Variants in ADAMTS17 observed in about 807,000 individuals in gnomAD.
ADAMTS17 encodes A disintegrin and metalloproteinase with thrombospondin motifs 17.
A neutral mutation model predicts 141.5 loss-of-function variants in ADAMTS17; 113 were observed. The observed-to-expected ratio is 0.80, with a 90% CI of 0.69 to 0.93. ADAMTS17 has a LOEUF of 0.93. ADAMTS17 is among the 40% of genes least tolerant of loss of function. The pLI is 0.00. For missense variants in ADAMTS17, 1,659 were observed against 1,517.9 expected (o/e 1.09, Z -1.54); for synonymous variants, 768 against 630.6 (o/e 1.22, Z -3.27).
chr15:100,087,789 T>C (rs1340652961), intron 15 of ADAMTS17, among the ~76,000 whole-genome samples: 1 of 152,100 alleles, frequency 6.6e-6, no homozygotes, highest in East Asian at 1.9e-4. Context: ...AATTCAGCAA[T>C]GCTTCTTGCT....
At chr15:100,185,646 T>C (rs1213608397) in intron 8 of ADAMTS17, among the ~76,000 whole-genome samples, 3 of 152,220 alleles carry the variant, frequency 2.0e-5, no homozygotes, top group African/African-American at 7.2e-5. Flanking sequence ...CCTCTTTTCC[T>C]GTAACTTGCA....
chr15:99,975,992 T>A, intron 21 of ADAMTS17, 53 bp downstream of exon 21: 1 of 1,510,736 alleles, frequency 6.6e-7, no homozygotes, highest in Non-Finnish European at 8.9e-7. Context: ...GAGGACTTAC[T>A]GGGCAGGAGA....
intron 7 of ADAMTS17, among the ~76,000 whole-genome samples, chr15:100,244,886 A>G (rs2042940383): frequency 6.6e-6 from 1 of 152,076 alleles, no homozygotes; most frequent in African/African-American, 2.4e-5. Flanking sequence ...CAGAGGAAGC[A>G]TCACTTCAAG....
chr15:99,983,786 C>G (rs1485475123), intron 20 of ADAMTS17, among the ~76,000 whole-genome samples: 1 of 152,144 alleles, frequency 6.6e-6, no homozygotes, highest in Non-Finnish European at 1.5e-5. Context: ...GAGTGAGTCT[C>G]TGAGGGGCCA....
At chr15:100,335,872 G>A (rs992970497) in intron 2 of ADAMTS17, among the ~76,000 whole-genome samples, 3 of 152,192 alleles carry the variant, frequency 2.0e-5, no homozygotes, top group Non-Finnish European at 1.5e-5. Flanking sequence ...CATTTCCTAA[G>A]AAGCAAGAAT....
At chr15:100,284,979 C>T (rs2044400106) in intron 3 of ADAMTS17, among the ~76,000 whole-genome samples, 1 of 152,136 alleles carries the variant, frequency 6.6e-6, no homozygotes, top group African/African-American at 2.4e-5. Context: ...GCTCTCGCCC[C>T]GCTGATGAGG....
At chr15:100,020,650 A>C (rs189352966) in intron 18 of ADAMTS17, among the ~76,000 whole-genome samples, 2 of 152,308 alleles carry the variant, frequency 1.3e-5, no homozygotes, top group African/African-American at 4.8e-5. Context: ...CTAAGTTAGA[A>C]GCAGTGACCC....
chr15:100,148,031 C>G (rs1256776204), intron 10 of ADAMTS17, among the ~76,000 whole-genome samples: 1 of 152,216 alleles, frequency 6.6e-6, no homozygotes, highest in Non-Finnish European at 1.5e-5. Flanking sequence ...GCTTCTATTG[C>G]TACATCTCTT....
At chr15:99,986,579 C>T (rs536046326) in intron 20 of ADAMTS17, among the ~76,000 whole-genome samples, 25 of 152,298 alleles carry the variant, frequency 1.6e-4, no homozygotes, top group South Asian at 6.2e-4. Context: ...AGGGGGTCAA[C>T]GATCACTTTC....
chr15:100,189,983 C>T (rs780287906), intron 8 of ADAMTS17, among the ~76,000 whole-genome samples: 3 of 152,174 alleles, frequency 2.0e-5, no homozygotes, highest in Non-Finnish European at 4.4e-5. Context: ...CTCAGTTCAA[C>T]GCTGACCAGC....
chr15:100,150,977 T>C (rs1439623230), intron 10 of ADAMTS17, among the ~76,000 whole-genome samples: 1 of 152,238 alleles, frequency 6.6e-6, no homozygotes, highest in Non-Finnish European at 1.5e-5. Flanking sequence ...AGAATGCCTC[T>C]TGGCAGGCAC....
At chr15:100,175,517 A>G (rs2040307769) in intron 8 of ADAMTS17, among the ~76,000 whole-genome samples, 1 of 152,048 alleles carries the variant, frequency 6.6e-6, no homozygotes, top group Non-Finnish European at 1.5e-5. Context: ...CAACATTTCA[A>G]CTCTTAATGC....
chr15:100,238,960 G>A (rs947699183), intron 7 of ADAMTS17, among the ~76,000 whole-genome samples: 16 of 152,138 alleles, frequency 1.1e-4, no homozygotes, highest in South Asian at 4.1e-4. Context: ...GCGTAGTGGC[G>A]TGTGCCTGTA....
chr15:100,129,023 T>C (rs559057057), intron 12 of ADAMTS17: 1 of 152,386 alleles, frequency 6.6e-6, no homozygotes, highest in East Asian at 1.9e-4. Flanking sequence ...TGCATAGCGT[T>C]GATAACGTCT....
chr15:99,985,301 A>T (rs1411411939), intron 20 of ADAMTS17, among the ~76,000 whole-genome samples: 1 of 152,184 alleles, frequency 6.6e-6, no homozygotes, highest in Non-Finnish European at 1.5e-5. Context: ...CTTGATCTGG[A>T]TGCAGAGTGC....
chr15:100,234,111 G>C (rs1409819907), intron 7 of ADAMTS17, among the ~76,000 whole-genome samples: 1 of 152,176 alleles, frequency 6.6e-6, no homozygotes, highest in Non-Finnish European at 1.5e-5. Context: ...CACAGGCCTG[G>C]ACCGTGGGAG....
Position 99,976,092 on chromosome 15 carries a change from ACCT to A in ADAMTS17, c.3077_3079del (p.Glu1026del). ...GTTGGCGTTGATCCTGTCGTTGCAG[ACCT>A]CCTGGTAGCACTGTCTGTAGGGGGC... On this transcript the variant is annotated inframe_deletion, in exon 21 of 22. Coordinates refer to ENST00000268070, the MANE Select transcript of ADAMTS17 (RefSeq NM_139057.4). 1.3e-6 allele frequency: 2 copies of A among 1,551,426 alleles called. No individual in the cohort carries two copies. Among genetic ancestry groups the A allele is most frequent in the Non-Finnish European group, 1.7e-6 (2 of 1,146,928 alleles).
intron 4 of ADAMTS17, among the ~76,000 whole-genome samples, chr15:100,265,797 GTC>G (rs1426040319): frequency 6.6e-6 from 1 of 152,234 alleles, no homozygotes; most frequent in Non-Finnish European, 1.5e-5. Flanking sequence ...GTAGCACAGT[GTC>G]TGAGTGGGGT....
intron 7 of ADAMTS17, among the ~76,000 whole-genome samples, chr15:100,226,914 A>G (rs2042329167): frequency 6.6e-6 from 1 of 152,214 alleles, no homozygotes; most frequent in Non-Finnish European, 1.5e-5. Context: ...AAAAATGACA[A>G]TTTCATGTGA....
Sources: gnomAD v4.1 joint callset for allele counts (sites outside exome capture counted in the v4.1 genomes callset) on GRCh38, gnomAD v4.1.1 for gene constraint, MANE v1.5 for transcripts, NCBI Gene and HGNC (gene_info 2026-07-23, HGNC 2026-07-21) for gene names.